The following SLC16A7 variants were observed in gnomAD, a reference collection of about 807,000 sequenced individuals.
SLC16A7 encodes the protein solute carrier family 16 member 7.
SLC16A7 carries 33 observed loss-of-function variants against 34.9 expected under a neutral mutation model. The ratio of observed to expected loss-of-function variants is 0.94; its 90% CI spans 0.72 to 1.26. The LOEUF (loss-of-function observed/expected upper bound fraction) is 1.26. Among genes scored for constraint, SLC16A7 ranks in the 50% most tolerant of loss-of-function variants. The probability of loss-of-function intolerance (pLI) is 0.00; values close to 1 mark genes in which losing one functional copy is unlikely to be tolerated. For synonymous variants in SLC16A7, 201 were observed against 206.6 expected, an observed-to-expected ratio of 0.97 and a Z score of 0.23; for missense variants, 573 against 578.1, an observed-to-expected ratio of 0.99 and a Z score of 0.09.
At chr12:59,766,126 C>T (rs1336393413) in intron 3 of SLC16A7, among the ~76,000 whole-genome samples, 2 of 152,108 alleles carry the variant, frequency 1.3e-5, no homozygotes, top group Non-Finnish European at 2.9e-5. Context: ...CATGATTTAG[C>T]TCTCTGTTTG....
intron 3 of SLC16A7, among the ~76,000 whole-genome samples, chr12:59,735,455 G>A (rs533456167): frequency 2.6e-4 from 40 of 152,274 alleles, no homozygotes; most frequent in Non-Finnish European, 5.0e-4. Flanking sequence ...TTGAATTTAT[G>A]ATGCATTGCA....
rs761673855 is a variant in SLC16A7 at position 59,774,695 on chromosome 12, A to G, written c.400A>G (p.Ile134Val). 3 of 1,604,214 alleles carry G rather than the reference A, an allele frequency of 1.9e-6. No individual in the cohort carries two copies. Among genetic ancestry groups the G allele is most frequent in the Admixed American group, 1.7e-5 (1 of 57,632 alleles). ...CTTCAACCTGCAACCCGCCTTAACC[A>G]TAATTGGCAAATACTTCTATAGGAA... ...LAFNLQPALTIIGKYFYRKRP... is the reference protein window; with the variant it reads ...LAFNLQPALTVIGKYFYRKRP... The change falls in exon 5 of 6, where the codon ATA (isoleucine) becomes GTA (valine). Residue 134 changes from isoleucine (I) to valine (V), a missense_variant. Coordinates refer to ENST00000547379, the MANE Select transcript of SLC16A7 (RefSeq NM_001270623.2).
intron 2 of SLC16A7, among the ~76,000 whole-genome samples, chr12:59,701,942 A>G (rs1030492444): frequency 7.2e-5 from 11 of 151,948 alleles, no homozygotes; most frequent in Non-Finnish European, 1.6e-4. Context: ...AAGATGGTTT[A>G]GTTTTCTTTA....
rs1441282640 is a variant in SLC16A7, at chr12:59,655,239, C to A, written c.-42C>A. The stretch of plus-strand genomic sequence containing the variant: ...AAGACTCTGGGACTCTTGGTGCCAA[C>A]AGAGTTACTCTGTGAGTATCCTTGG... On this transcript the variant is annotated 5_prime_UTR_variant, in exon 2 of 6. Coordinates refer to ENST00000547379, the MANE Select transcript of SLC16A7 (RefSeq NM_001270623.2). The A allele has an allele frequency of 6.6e-6, 1 of 151,940 alleles. No individual in the cohort carries two copies. The highest frequency in any genetic ancestry group is 1.5e-5 in the Non-Finnish European group (1 of 67,926). The allele number at this position is 151,940 out of a possible 1,614,324, so 9.4% of individuals were successfully genotyped here. A position where few individuals can be genotyped will look rare whatever the true frequency, so the allele number is the denominator to read the frequency against.
intron 1 of SLC16A7, among the ~76,000 whole-genome samples, chr12:59,624,738 T>TTGTGTGTG (rs34708782): frequency 1.5e-3 from 222 of 145,368 alleles, no homozygotes; most frequent in African/African-American, 5.3e-3. Flanking sequence ...GCATTGTTAG[T>TTGTGTGTG]TGTGTGTGTG....
chr12:59,779,436 T>C lies in SLC16A7; in HGVS notation c.1194T>C (p.Asp398=). ...LGPPLAGKLV[D]LTGEYKYMYM... ...TTTGTCTTCTAGGTAAATTGGTGGA[T>C]TTAACTGGAGAATATAAATACATGT... The change falls in exon 6 of 6, where the codon GAT becomes GAC. Residue 398 remains aspartate, a synonymous_variant. Coordinates refer to ENST00000547379, the MANE Select transcript of SLC16A7 (RefSeq NM_001270623.2). 2 of 1,592,078 alleles carry C rather than the reference T, an allele frequency of 1.3e-6. No individual in the cohort carries two copies. Among genetic ancestry groups the C allele is most frequent in the South Asian group, 2.3e-5 (2 of 88,074 alleles).
intron 3 of SLC16A7, among the ~76,000 whole-genome samples, chr12:59,755,850 C>A (rs572775838): frequency 3.3e-5 from 5 of 152,168 alleles, no homozygotes; most frequent in Non-Finnish European, 7.3e-5. Flanking sequence ...TACCTGACTT[C>A]AAACTATACT....
At chr12:59,708,792 C>A (rs1873883296) in intron 3 of SLC16A7, among the ~76,000 whole-genome samples, 1 of 151,568 alleles carries the variant, frequency 6.6e-6, no homozygotes, top group South Asian at 2.1e-4. Flanking sequence ...GTATTATCTT[C>A]CCTTCTGATG....
In SLC16A7 at chr12:59,615,334, C is replaced by T. The variant is rs565705089; in HGVS notation, c.-130+19098C>T. Among the ~76,000 whole-genome samples, 29 of 152,188 alleles carry T rather than the reference C, an allele frequency of 1.9e-4. No homozygotes were observed. The South Asian group carries it at 5.6e-3, about 29-fold the overall frequency. ...TCCTTTTCACATCCGTGAGAAGTCT[C>T]TCAAATTCCTAGAAATCTGAAAATG... On this transcript the variant is annotated intron_variant, in intron 1 of 5. Transcript: ENST00000547379.
intron 3 of SLC16A7, among the ~76,000 whole-genome samples, chr12:59,726,176 A>T (rs1876208720): frequency 6.6e-6 from 1 of 152,128 alleles, no homozygotes; most frequent in Admixed American, 6.5e-5. Context: ...TTTGTCTTAG[A>T]CCTGTAAATT....
At chr12:59,636,720 A>T (rs1016414920) in intron 1 of SLC16A7, among the ~76,000 whole-genome samples, 1 of 152,146 alleles carries the variant, frequency 6.6e-6, no homozygotes, top group Admixed American at 6.6e-5. Context: ...GACAATAAGT[A>T]GTACATACAT....
intron 1 of SLC16A7, among the ~76,000 whole-genome samples, chr12:59,633,140 G>T (rs1000589279): frequency 6.6e-6 from 1 of 151,924 alleles, no homozygotes; most frequent in African/African-American, 2.4e-5. Context: ...CCATGTGCTT[G>T]TACTTTATTT....
intron 1 of SLC16A7, among the ~76,000 whole-genome samples, chr12:59,625,469 T>C (rs1376774241): frequency 6.6e-6 from 1 of 151,822 alleles, no homozygotes; most frequent in African/African-American, 2.4e-5. Context: ...CCAGACTGGC[T>C]GGGTTTGAAT....
intron 3 of SLC16A7, among the ~76,000 whole-genome samples, chr12:59,758,253 C>T (rs1406773526): frequency 6.6e-6 from 1 of 151,836 alleles, no homozygotes; most frequent in African/African-American, 2.4e-5. Context: ...GTGTTCTTAC[C>T]ACAGTAAAAT....
At chr12:59,710,354 G>A (rs1230568008) in intron 3 of SLC16A7, among the ~76,000 whole-genome samples, 1 of 152,140 alleles carries the variant, frequency 6.6e-6, no homozygotes, top group Non-Finnish European at 1.5e-5. Context: ...GAGAGGCAAG[G>A]ACTTCAAAAC....
At chr12:59,724,630 G>A (rs7298553) in intron 3 of SLC16A7, among the ~76,000 whole-genome samples, 18,620 of 151,934 alleles carry the variant, frequency 0.12, 1,488 homozygotes, top group African/African-American at 0.22. Flanking sequence ...GGGTGCTTAT[G>A]TATGAGATAT....
At chr12:59,698,694 T>G (rs1346157148) in intron 2 of SLC16A7, among the ~76,000 whole-genome samples, 1 of 151,756 alleles carries the variant, frequency 6.6e-6, no homozygotes, top group Non-Finnish European at 1.5e-5. Flanking sequence ...AACATCAGTG[T>G]CAAAATTTAA....
chr12:59,676,555 A>C (rs1381389526), intron 2 of SLC16A7, among the ~76,000 whole-genome samples: 2 of 152,126 alleles, frequency 1.3e-5, no homozygotes, highest in African/African-American at 2.4e-5. Context: ...ATTATAAACA[A>C]TTAGGTACAG....
rs369389387 is a variant in SLC16A7, at chr12:59,698,003, G to C, written c.-30-6769G>C. Among the ~76,000 whole-genome samples, 186 of 151,842 alleles carry C rather than the reference G, an allele frequency of 1.2e-3. 4 individuals carry two copies. The South Asian group carries it at 0.019, about 15-fold the overall frequency. On this transcript the variant is annotated intron_variant, in intron 2 of 5. Coordinates refer to ENST00000547379, the MANE Select transcript of SLC16A7 (RefSeq NM_001270623.2). ...TATCTTAGACTCTGATGGGAAAGAT[G>C]GGTAGTAAATAAATCAGTAGAAATG...
Sources: allele counts gnomAD v4.1 joint callset (sites outside exome capture counted in the v4.1 genomes callset), GRCh38; gene constraint gnomAD v4.1.1; transcripts MANE v1.5; gene names NCBI Gene and HGNC (gene_info 2026-07-23, HGNC 2026-07-21).